ANKS1A: variants seen among roughly 807,000 people sequenced by gnomAD.
ANKS1A encodes ankyrin repeat and sterile alpha motif domain containing 1A.
In ANKS1A, 55 loss-of-function variants were observed where a neutral mutation model predicts 120.3. The observed-to-expected ratio is 0.46, with a 90% confidence interval of 0.37 to 0.57. ANKS1A has a LOEUF of 0.57. Among genes scored for constraint, ANKS1A ranks in the 20% least tolerant of loss-of-function variants. The pLI is 0.00. For synonymous variants in ANKS1A, 590 were observed against 604.7 expected, an observed-to-expected ratio of 0.98 and a Z score of 0.36; for missense variants, 1,123 against 1,480.3, an observed-to-expected ratio of 0.76 and a Z score of 3.96.
rs1002174483 is a variant in ANKS1A at position 35,082,069 on chromosome 6, C to T, written c.2710-622C>T. On this transcript the variant is annotated intron_variant, in intron 17 of 23. Transcript: ENST00000360359. This position sits in a 1 kb window ranked among gnomAD's most constrained non-coding sequence, Gnocchi z 4.1. ...TTCCGGTTGCTGTTGAGAGGCTCTG[C>T]GCACTGCTGGGAAGGGAGGGCCTCC... 2.6e-5 allele frequency among the ~76,000 whole-genome samples: 4 copies of T among 152,160 alleles called. No individual in the cohort carries two copies. Among genetic ancestry groups the T allele is most frequent in the Admixed American group, 6.5e-5 (1 of 15,278 alleles).
chr6:35,088,610 G>A lies in ANKS1A; in HGVS notation c.*1G>A, dbSNP rs775863818. 1.9e-6 allele frequency: 3 copies of A among 1,614,222 alleles called. No individual in the cohort carries two copies. The highest frequency in any genetic ancestry group is 1.7e-5 in the Admixed American group (1 of 60,028). On this transcript the variant is annotated 3_prime_UTR_variant, in exon 24 of 24. Coordinates refer to ENST00000360359, the MANE Select transcript of ANKS1A (RefSeq NM_015245.3). ...CCATTGTTTGCTTCTGCCAAGCTGA[G>A]CCACTGAGGAACCACACTGTGCTGC...
intron 10 of ANKS1A, among the ~76,000 whole-genome samples, chr6:35,011,062 T>C (rs1388620741): frequency 1.3e-5 from 2 of 152,238 alleles, no homozygotes; most frequent in African/African-American, 4.8e-5. Flanking sequence ...AGCCTCAGTT[T>C]CTACATGTAG....
At chr6:35,039,760 G>A in intron 11 of ANKS1A, 2 of 400,776 alleles carry the variant, frequency 5.0e-6, no homozygotes, top group Non-Finnish European at 1.0e-5. Flanking sequence ...TTTTCCTTCA[G>A]TGCTCAGCCC....
At chr6:35,052,626 A>AG (rs1776026062) in intron 11 of ANKS1A, among the ~76,000 whole-genome samples, 1 of 151,010 alleles carries the variant, frequency 6.6e-6, no homozygotes, top group African/African-American at 2.4e-5. Flanking sequence ...AAAAAAAAAA[A>AG]AAAAAAGAAT....
At chr6:34,928,245 C>T (rs899225903) in intron 1 of ANKS1A, among the ~76,000 whole-genome samples, 4 of 152,288 alleles carry the variant, frequency 2.6e-5, no homozygotes, top group South Asian at 4.1e-4. Context: ...CCAATCTCTG[C>T]GTAGCCCTCC....
At chr6:34,949,198 T>C (rs1009764542) in intron 1 of ANKS1A, among the ~76,000 whole-genome samples, 2 of 152,182 alleles carry the variant, frequency 1.3e-5, no homozygotes, top group African/African-American at 4.8e-5. Context: ...TCAGTGGGGC[T>C]TTGAAGAATG....
At chr6:34,916,886 G>T (rs775004622) in intron 1 of ANKS1A, among the ~76,000 whole-genome samples, 42 of 152,334 alleles carry the variant, frequency 2.8e-4, no homozygotes, top group Middle Eastern at 6.8e-3. Flanking sequence ...AGTGCCTGCT[G>T]TGAACAGACA....
chr6:34,958,599 T>C (rs1770484628), intron 1 of ANKS1A, among the ~76,000 whole-genome samples: 2 of 152,202 alleles, frequency 1.3e-5, no homozygotes, highest in African/African-American at 4.8e-5. Context: ...CCCATCTGAT[T>C]ATTCCCCGCT....
chr6:34,900,439 A>T (rs1329051969), intron 1 of ANKS1A, among the ~76,000 whole-genome samples: 2 of 151,250 alleles, frequency 1.3e-5, no homozygotes, highest in Non-Finnish European at 2.9e-5. Flanking sequence ...TGTCCTCATA[A>T]CAACTCTCTC....
intron 11 of ANKS1A, among the ~76,000 whole-genome samples, chr6:35,037,630 G>C (rs1477436244): frequency 6.6e-6 from 1 of 152,146 alleles, no homozygotes; most frequent in African/African-American, 2.4e-5. Flanking sequence ...GTCTGGGTGA[G>C]GGCTACTCAC....
In ANKS1A at chr6:34,982,774, A is replaced by G. The variant is rs1771968279; in HGVS notation, c.755A>G (p.His252Arg). ...NYQTEMGSAL[H>R]EAALFGKTDV... ...CAGACGGAGATGGGCAGTGCTTTGC[A>G]TGAGGCTGCTTTGTTTGGCAAGACC... The change falls in exon 5 of 24, where the codon CAT becomes CGT. Residue 252 changes from histidine to arginine, a missense_variant. Physicochemically the swap from His to Arg is conservative, Grantham distance 29 (BLOSUM62 0). This residue lies in a region of ANKS1A where 146 missense variants were observed against 267.8 expected (regional missense o/e 0.55). Transcript: ENST00000360359. This position sits in a 1 kb window ranked among gnomAD's most constrained non-coding sequence, Gnocchi z 4.9. 6.2e-7 allele frequency: 1 copy of G among 1,614,096 alleles called. No individual in the cohort carries two copies. Among genetic ancestry groups the G allele is most frequent in the Non-Finnish European group, 8.5e-7 (1 of 1,180,054 alleles).
At position 34,987,746 on chromosome 6, in the gene ANKS1A, G is replaced by T. The variant is rs140919205; in HGVS notation, c.1210-1478G>T. The stretch of plus-strand genomic sequence containing the variant: ...GGATGCCAAAATGCTAATGCGAGTA[G>T]CTCCTAAAACATGAGAAACATCTTT... On this transcript the variant is annotated intron_variant, in intron 8 of 23. Transcript: ENST00000360359. Among the ~76,000 whole-genome samples the T allele has an allele frequency of 3.2e-3, 488 of 152,336 alleles. 2 individuals are homozygous for T. The highest frequency in any genetic ancestry group is 4.3e-3 in the Non-Finnish European group (290 of 68,024).
At chr6:34,971,315 G>A (rs1312767511) in intron 3 of ANKS1A, among the ~76,000 whole-genome samples, 3 of 152,142 alleles carry the variant, frequency 2.0e-5, no homozygotes, top group Admixed American at 2.0e-4. Context: ...TAATGGCCAT[G>A]GATTTAGTTA....
At position 35,086,257 on chromosome 6, in the gene ANKS1A, C is replaced by T. The variant is rs768506206; in HGVS notation, c.3303+321C>T. The T allele has an allele frequency of 2.1e-5, 29 of 1,354,606 alleles. No homozygotes were observed. In the South Asian group the frequency reaches 2.5e-4, roughly 11 times the overall value. 83.9% of individuals were successfully genotyped at this position (1,354,606 alleles called of 1,614,324 possible). On this transcript the variant is annotated intron_variant, in intron 22 of 23. Transcript: ENST00000360359. The surrounding 1 kb of genome is among the most constrained non-coding windows in gnomAD (Gnocchi z 5.1). ...CATCCCTGTGTCTGTGTCTGCTTTG[C>T]TCTGCACCCCAGGTGCCGCTGCCCC... is the stretch of plus-strand genomic sequence containing the variant.
intron 9 of ANKS1A, among the ~76,000 whole-genome samples, chr6:34,990,491 CTTTT>C (rs36082323): frequency 7.2e-5 from 10 of 138,770 alleles, no homozygotes; most frequent in Admixed American, 7.2e-5. Flanking sequence ...TACCCCCCTC[CTTTT>C]TTTTTTTTTT....
intron 10 of ANKS1A, among the ~76,000 whole-genome samples, chr6:35,003,173 G>T (rs900807092): frequency 2.0e-5 from 3 of 151,788 alleles, no homozygotes; most frequent in Non-Finnish European, 4.4e-5. Flanking sequence ...ATAATGAATC[G>T]CCCCCTAAGC....
Position 34,994,302 on chromosome 6 carries a change from G to A in ANKS1A, c.1303G>A (p.Val435Ile), listed in dbSNP as rs1465014836. 1.9e-6 allele frequency: 3 copies of A among 1,612,914 alleles called. No homozygotes were observed. In the African/African-American group the frequency reaches 4.0e-5, roughly 22 times the overall value. ...KKYFPLTASE[V>I]LSMRPRIHGS... ...TACACTGGATGTTTCTCTCCCTTAG[G>A]TTCTGTCCATGAGACCTAGGATTCA... The change falls in exon 10 of 24, where the codon GTT (valine) becomes ATT (isoleucine). Residue 435 changes from valine to isoleucine, a missense_variant and splice_region_variant. This residue lies in a region of ANKS1A where 904 missense variants were observed against 1,130.4 expected (regional missense o/e 0.80). Coordinates refer to ENST00000360359, the MANE Select transcript of ANKS1A (RefSeq NM_015245.3).
At chr6:34,973,765 A>T (rs561514301) in intron 3 of ANKS1A, among the ~76,000 whole-genome samples, 1 of 152,284 alleles carries the variant, frequency 6.6e-6, no homozygotes, top group Non-Finnish European at 1.5e-5. Flanking sequence ...TCTTAATGGT[A>T]GAGAAGCAAT....
chr6:35,089,229 A>T lies in ANKS1A; in HGVS notation c.*620A>T. 1.0e-6 allele frequency: 1 copy of T among 992,202 alleles called. No individual in the cohort carries two copies. Among genetic ancestry groups the T allele is most frequent in the Non-Finnish European group, 1.2e-6 (1 of 833,278 alleles). 61.5% of individuals were successfully genotyped at this position (992,202 alleles called of 1,614,324 possible). ...CTAGACACAGGCTTCTCGTAAGAACACAGCCTTAGAGGCACCTGAGCAACT... is the reference window on the plus strand; with the variant it reads ...CTAGACACAGGCTTCTCGTAAGAACTCAGCCTTAGAGGCACCTGAGCAACT... On this transcript the variant is annotated 3_prime_UTR_variant, in exon 24 of 24. Transcript: ENST00000360359.
Sources: allele counts gnomAD v4.1 joint callset (sites outside exome capture counted in the v4.1 genomes callset), GRCh38; gene constraint gnomAD v4.1.1; regional missense constraint gnomAD v4.1.1; non-coding constraint Gnocchi (gnomAD v3.1); transcripts MANE v1.5; gene names NCBI Gene and HGNC (gene_info 2026-07-23, HGNC 2026-07-21).